Variants in GTF2IRD2B observed in about 807,000 individuals in gnomAD.
GTF2IRD2B encodes the protein general transcription factor II-I repeat domain-containing protein 2B.
In GTF2IRD2B, 10 loss-of-function variants were observed where a neutral mutation model predicts 55.6. The observed-to-expected ratio is 0.18, with a 90% CI of 0.11 to 0.31. GTF2IRD2B has a LOEUF of 0.31. GTF2IRD2B is among the 10% of genes least tolerant of loss of function. GTF2IRD2B has a pLI of 1.00. For missense variants in GTF2IRD2B, 206 were observed against 802.7 expected (o/e 0.26, Z 8.98); for synonymous variants, 107 against 320.5 (o/e 0.33, Z 7.12).
intron 8 of GTF2IRD2B, among the ~76,000 whole-genome samples, chr7:75,126,832 A>G (rs1393180001): frequency 6.7e-6 from 1 of 150,064 alleles, no homozygotes; most frequent in Non-Finnish European, 1.5e-5. Flanking sequence ...CCCTGTCTCT[A>G]CTAAAATACA....
At chr7:75,137,254 A>G (rs1554453627) in intron 11 of GTF2IRD2B, among the ~76,000 whole-genome samples, 1 of 151,150 alleles carries the variant, frequency 6.6e-6, no homozygotes, top group Non-Finnish European at 1.5e-5. Flanking sequence ...CTAATGTAGT[A>G]TAATGTGTAT....
chr7:75,106,439 G>A lies in GTF2IRD2B; in HGVS notation c.-5-2521G>A, dbSNP rs1286928281. Among the ~76,000 whole-genome samples the A allele has an allele frequency of 3.5e-3, 528 of 150,828 alleles. 1 individual carries two copies. The highest frequency in any genetic ancestry group is 4.7e-3 in the Non-Finnish European group (317 of 67,552). On this transcript the variant is annotated intron_variant, in intron 1 of 15. Transcript: ENST00000472837. Reference sequence around the variant, plus strand: ...GTCTTCCTTCCGCATGCACACTCATGTTGATCTGTGTATCTTTTGCTTACA... The same window carrying A: ...GTCTTCCTTCCGCATGCACACTCATATTGATCTGTGTATCTTTTGCTTACA...
rs1391072468 is a variant in GTF2IRD2B, at chr7:75,092,681, G to A, written c.-90G>A. 14 of 153,688 alleles carry A rather than the reference G, an allele frequency of 9.1e-5. No homozygotes were observed. Among genetic ancestry groups the A allele is most frequent in the African/African-American group, 2.4e-4 (10 of 41,602 alleles). 9.5% of individuals were successfully genotyped at this position (153,688 alleles called of 1,614,324 possible). ...TGCTCGTCCCCCGCGCGGGGCTCCC[G>A]GCCGCCGCCCTCGGCCATCGGCTGC... On this transcript the variant is annotated 5_prime_UTR_variant, in exon 1 of 16. Coordinates refer to ENST00000472837, the MANE Select transcript of GTF2IRD2B (RefSeq NM_001003795.3).
chr7:75,140,485 AT>A (rs1808979448), intron 12 of GTF2IRD2B, among the ~76,000 whole-genome samples: 1 of 114,040 alleles, frequency 8.8e-6, no homozygotes, highest in Non-Finnish European at 1.9e-5. Context: ...TAAGATTTCT[AT>A]TTTAAGGCCG....
intron 1 of GTF2IRD2B, among the ~76,000 whole-genome samples, chr7:75,093,090 G>T (rs1554422840): frequency 1.3e-5 from 2 of 152,394 alleles, no homozygotes; most frequent in East Asian, 3.9e-4. Context: ...TACGTGGGGC[G>T]CTCGCGCTGC....
chr7:75,114,524 T>C (rs1230908897), intron 3 of GTF2IRD2B, among the ~76,000 whole-genome samples: 5 of 150,778 alleles, frequency 3.3e-5, no homozygotes, highest in African/African-American at 1.2e-4. Context: ...TGCTGTGGTT[T>C]GGGGTACAGT....
intron 4 of GTF2IRD2B, among the ~76,000 whole-genome samples, chr7:75,121,363 A>G (rs1282535686): frequency 6.8e-4 from 102 of 150,316 alleles, no homozygotes; most frequent in African/African-American, 2.3e-3. Flanking sequence ...TGGTTCACCC[A>G]GGAGTAGGAC....
At chr7:75,145,594 A>G (rs1809120308) in intron 15 of GTF2IRD2B, among the ~76,000 whole-genome samples, 1 of 147,418 alleles carries the variant, frequency 6.8e-6, no homozygotes, top group South Asian at 2.1e-4. Context: ...TTAGCCGGGC[A>G]TGGTGGCGCG....
intron 3 of GTF2IRD2B, among the ~76,000 whole-genome samples, chr7:75,112,891 A>G (rs1373697319): frequency 1.7e-5 from 1 of 59,206 alleles, no homozygotes; most frequent in East Asian, 6.7e-4. Flanking sequence ...ATTACTGCCT[A>G]TTAATAGCCA....
intron 3 of GTF2IRD2B, among the ~76,000 whole-genome samples, chr7:75,117,845 G>A (rs1808220550): frequency 1.3e-5 from 2 of 152,396 alleles, no homozygotes; most frequent in Admixed American, 1.3e-4. Flanking sequence ...CACTCTGGTA[G>A]GCTGAGGCTG....
chr7:75,112,085 TAC>T (rs782659655), intron 2 of GTF2IRD2B, among the ~76,000 whole-genome samples: 37 of 24,014 alleles, frequency 1.5e-3, no homozygotes, highest in East Asian at 2.7e-3. Flanking sequence ...CTACTAAAAA[TAC>T]ACACACACAC....
intron 8 of GTF2IRD2B, among the ~76,000 whole-genome samples, chr7:75,130,154 T>C (rs1554535354): frequency 2.3e-3 from 246 of 105,014 alleles, no homozygotes; most frequent in African/African-American, 7.6e-3. Context: ...TCTTTCCTTC[T>C]TTCTTTCTTT....
At chr7:75,130,623 G>A (rs1240612026) in intron 8 of GTF2IRD2B, among the ~76,000 whole-genome samples, 2 of 151,124 alleles carry the variant, frequency 1.3e-5, no homozygotes, top group Non-Finnish European at 2.9e-5. Context: ...GATTACAGGT[G>A]CCCACCACCA....
intron 3 of GTF2IRD2B, among the ~76,000 whole-genome samples, chr7:75,114,680 A>G (rs1220237311): frequency 6.6e-6 from 1 of 152,002 alleles, no homozygotes; most frequent in African/African-American, 2.4e-5. Context: ...AAGTGAGAAC[A>G]TGTGGTATTC....
intron 6 of GTF2IRD2B, chr7:75,123,802 C>T (rs1554452243): frequency 7.1e-6 from 3 of 419,890 alleles, no homozygotes; most frequent in African/African-American, 4.1e-5. Flanking sequence ...GGCGTGAACC[C>T]GGGAGGTGGA....
In GTF2IRD2B at chr7:75,112,513, T is replaced by G. The variant is rs1318858340; in HGVS notation, c.216T>G (p.Phe72Leu). 1.1e-6 allele frequency: 1 copy of G among 922,054 alleles called. No individual in the cohort carries two copies. Among genetic ancestry groups the G allele is most frequent in the Admixed American group, 2.5e-5 (1 of 40,010 alleles). 57.1% of individuals were successfully genotyped at this position (922,054 alleles called of 1,614,324 possible). The change falls in exon 3 of 16, where the codon TTT becomes TTG. Residue 72 changes from phenylalanine to leucine, a missense_variant. Transcript: ENST00000472837. ...CTTTTGTTAATGCCAGGACGGATTT[T>G]CAGAAAGATTTTGCAAAATACTGTA... ...GCAFVNARTD[F>L]QKDFAKYCVA...
intron 1 of GTF2IRD2B, among the ~76,000 whole-genome samples, chr7:75,102,048 G>A (rs1346060760): frequency 2.6e-5 from 4 of 151,580 alleles, no homozygotes; most frequent in Non-Finnish European, 4.4e-5. Flanking sequence ...TGTTGCCCAG[G>A]CTGGAGTGCA....
intron 1 of GTF2IRD2B, among the ~76,000 whole-genome samples, chr7:75,093,531 C>T (rs1266526803): frequency 1.3e-5 from 2 of 152,244 alleles, no homozygotes; most frequent in African/African-American, 4.8e-5. Flanking sequence ...GGAGAAGAAA[C>T]CCCAACCCCA....
At chr7:75,111,093 C>CAA (rs1317548496) in intron 2 of GTF2IRD2B, among the ~76,000 whole-genome samples, 4 of 90,688 alleles carry the variant, frequency 4.4e-5, no homozygotes, top group South Asian at 6.9e-4. Flanking sequence ...GGCTCCGTCT[C>CAA]AAAAAAAAAA....
Sources: gnomAD v4.1 joint callset for allele counts (sites outside exome capture counted in the v4.1 genomes callset) on GRCh38, gnomAD v4.1.1 for gene constraint, MANE v1.5 for transcripts, NCBI Gene and HGNC (gene_info 2026-07-23, HGNC 2026-07-21) for gene names.